SLC38A8: variants seen among roughly 807,000 people sequenced by gnomAD.
The protein encoded by SLC38A8 is solute carrier family 38 member 8, also known as amino acid transporter SLC38A8.
In SLC38A8, 65 loss-of-function variants were observed where a neutral mutation model predicts 46.0. The observed-to-expected ratio is 1.41, with a 90% CI of 1.16 to 1.74. The LOEUF (loss-of-function observed/expected upper bound fraction) is 1.74. Ranked by LOEUF, SLC38A8 falls within the 40% of genes most tolerant of loss-of-function variation. The pLI is 0.00. For missense variants in SLC38A8, 998 were observed against 567.9 expected (o/e 1.76, Z -7.70); for synonymous variants, 447 against 243.7 (o/e 1.83, Z -7.77).
At chr16:84,023,044 C>T (rs1007683225) in intron 6 of SLC38A8, among the ~76,000 whole-genome samples, 155 bp from the exon 7 acceptor site, 2 of 152,132 alleles carry the variant, frequency 1.3e-5, no homozygotes, top group Admixed American at 6.5e-5. Context: ...TCACAGTACA[C>T]CCCCAACCCC....
Position 84,016,745 on chromosome 16 carries a change from C to A in SLC38A8, c.954-18G>T. The stretch of plus-strand genomic sequence containing the variant: ...TCACTGACCTGGAGGCCACAGCCAA[C>A]ACAGACACATGGGCATCTCAGGGGC... On this transcript the variant is annotated intron_variant, in intron 8 of 10. Coordinates refer to ENST00000299709, the MANE Select transcript of SLC38A8 (RefSeq NM_001080442.3). The A allele has an allele frequency of 6.2e-7, 1 of 1,607,012 alleles. No individual in the cohort carries two copies. The highest frequency in any genetic ancestry group is 2.2e-5 in the East Asian group (1 of 44,720).
intron 6 of SLC38A8, among the ~76,000 whole-genome samples, chr16:84,025,958 C>G (rs1031437559): frequency 6.6e-6 from 1 of 152,228 alleles, no homozygotes; most frequent in Non-Finnish European, 1.5e-5. Context: ...GTGGGGCTCA[C>G]CCCACACTCT....
At chr16:84,016,030 C>T (rs1381732960) in intron 9 of SLC38A8, among the ~76,000 whole-genome samples, 1 of 151,282 alleles carries the variant, frequency 6.6e-6, no homozygotes, top group African/African-American at 2.4e-5. Context: ...CACAGTTCCA[C>T]ATGGCTGAGG....
intron 6 of SLC38A8, among the ~76,000 whole-genome samples, chr16:84,025,502 C>T (rs2085152287): frequency 1.4e-5 from 2 of 146,558 alleles, no homozygotes; most frequent in Admixed American, 6.6e-5. Flanking sequence ...CTCAGCGTCT[C>T]TCAACCACAC....
At chr16:84,020,195 C>A (rs984998250) in intron 7 of SLC38A8, among the ~76,000 whole-genome samples, 1 of 148,540 alleles carries the variant, frequency 6.7e-6, no homozygotes, top group African/African-American at 2.5e-5. Context: ...GGCTGGAGGG[C>A]GGTGGCACAA....
At chr16:84,016,369 G>T in intron 9 of SLC38A8, 150 bp downstream of exon 9, 1 of 793,060 alleles carries the variant, frequency 1.3e-6, no homozygotes, top group Non-Finnish European at 2.0e-6. Context: ...CCTGTGCCTG[G>T]CTCAATAAAA....
rs766262131 is a variant in SLC38A8, at chr16:84,016,697, G to A, written c.984C>T (p.Ser328=). Residue 328 remains serine (S), a synonymous_variant, in exon 9 of 11, where the codon AGC becomes AGT. Coordinates refer to ENST00000299709, the MANE Select transcript of SLC38A8 (RefSeq NM_001080442.3). ...CGCTGGGCCCCCATCCCCCCAAGCA[G>A]CTCCTCCTCCAGAAGTCCTGCATCA... ...RSVMQDFWRR[S]CLGGWGPSAL... The A allele has an allele frequency of 1.2e-5, 19 of 1,613,176 alleles. No homozygotes were observed. Among genetic ancestry groups the A allele is most frequent in the Non-Finnish European group, 1.6e-5 (19 of 1,179,932 alleles).
chr16:84,031,624 C>G lies in SLC38A8; in HGVS notation c.632+243G>C, dbSNP rs190205394. Among the ~76,000 whole-genome samples the G allele has an allele frequency of 3.0e-3, 464 of 152,378 alleles. 3 individuals are homozygous for G. The highest frequency in any genetic ancestry group is 0.011 in the African/African-American group (444 of 41,594). ...ATAACCTATGACCCCTAGGCCGCCGCAGCCTTTGGCGGTTCTGCGTCCCTT... is the reference window on the plus strand; with the variant it reads ...ATAACCTATGACCCCTAGGCCGCCGGAGCCTTTGGCGGTTCTGCGTCCCTT... On this transcript the variant is annotated intron_variant, in intron 5 of 10. Coordinates refer to ENST00000299709, the MANE Select transcript of SLC38A8 (RefSeq NM_001080442.3).
chr16:84,034,110 G>A (rs2085276273), intron 3 of SLC38A8, among the ~76,000 whole-genome samples: 4 of 152,226 alleles, frequency 2.6e-5, no homozygotes. Context: ...TGCCTGATGG[G>A]TACACCTGGG....
intron 6 of SLC38A8, among the ~76,000 whole-genome samples, chr16:84,025,780 C>A (rs945013850): frequency 1.3e-5 from 2 of 152,242 alleles, no homozygotes; most frequent in African/African-American, 4.8e-5. Context: ...GGCACAGTGG[C>A]CTCCTCCCTC....
rs1295882577 is a variant in SLC38A8, at chr16:84,022,798, C to T, written c.782G>A (p.Cys261Tyr). The part of the protein sequence containing the change: ...ALVSVLSLLA[C>Y]CLIYSLTGVY... ...ACCCGTCAGTGAATAGATGAGGCAG[C>T]AGGCCAGCAAGGACAGCACAGACAC... The change falls in exon 7 of 11, where the codon TGC becomes TAC. Residue 261 changes from cysteine to tyrosine, a missense_variant. Physicochemically the swap from Cys to Tyr is radical, Grantham distance 194 (BLOSUM62 -2). Transcript: ENST00000299709. The T allele has an allele frequency of 6.2e-7, 1 of 1,614,032 alleles. No individual in the cohort carries two copies. Among genetic ancestry groups the T allele is most frequent in the Admixed American group, 1.7e-5 (1 of 60,000 alleles).
chr16:84,031,294 G>A (rs1249266684), intron 5 of SLC38A8, among the ~76,000 whole-genome samples: 1 of 152,158 alleles, frequency 6.6e-6, no homozygotes, highest in Non-Finnish European at 1.5e-5. Flanking sequence ...ACCTGCCTCA[G>A]CCTCCCAAAG....
chr16:84,033,535 G>C lies in SLC38A8; in HGVS notation c.389-66C>G, dbSNP rs540539827. 260 of 1,503,206 alleles carry C rather than the reference G, an allele frequency of 1.7e-4. No individual in the cohort carries two copies. The African/African-American group carries it at 3.1e-3, about 18-fold the overall frequency. The allele number at this position is 1,503,206 out of a possible 1,614,324, so 93.1% of individuals were successfully genotyped here. ...TGCCGTGGGTTCTCGGCTCCCACCT[G>C]GCCCTTCAACCCTGGCTGGGGTTGG... On this transcript the variant is annotated intron_variant, in intron 3 of 10. Transcript: ENST00000299709.
Position 84,018,223 on chromosome 16 carries a change from CTTTTT to C in SLC38A8, c.806-941_806-937del, listed in dbSNP as rs796178053. The stretch of plus-strand genomic sequence containing the variant: ...ATGAGCTCTGACTCAGCCCTCATTC[CTTTTT>C]TTTTTTTTTTTTTTTTTTTTTTGAG... On this transcript the variant is annotated intron_variant, in intron 7 of 10. Transcript: ENST00000299709. Among the ~76,000 whole-genome samples the C allele has an allele frequency of 1.8e-4, 14 of 79,938 alleles. No individual in the cohort carries two copies. In the South Asian group the frequency reaches 5.3e-3, roughly 30 times the overall value. 52.4% of individuals were successfully genotyped at this position (79,938 alleles called of 152,430 possible). A position where few individuals can be genotyped will look rare whatever the true frequency, so the allele number is the denominator to read the frequency against.
chr16:84,016,568 G>A lies in SLC38A8; in HGVS notation c.1113C>T (p.Ile371=), dbSNP rs113073498. 575 of 1,614,088 alleles carry A rather than the reference G, an allele frequency of 3.6e-4. 4 individuals carry two copies. The African/African-American group carries it at 6.7e-3, about 19-fold the overall frequency. ...AACTGATGCCTCCGATGATGCTGAC[G>A]ATCTCGCTGAGGTCAGGCATAAACA... The part of the protein sequence containing the change: ...MALFMPDLSE[I]VSIIGGISSF... Residue 371 remains isoleucine, a synonymous_variant, in exon 9 of 11, where the codon ATC becomes ATT. Coordinates refer to ENST00000299709, the MANE Select transcript of SLC38A8 (RefSeq NM_001080442.3).
chr16:84,019,484 T>C (rs2085070988), intron 7 of SLC38A8, among the ~76,000 whole-genome samples: 1 of 152,218 alleles, frequency 6.6e-6, no homozygotes, highest in Non-Finnish European at 1.5e-5. Flanking sequence ...AGAGCGCTGC[T>C]CTCGACAGCT....
At chr16:84,029,260 G>T (rs553969575) in intron 6 of SLC38A8, among the ~76,000 whole-genome samples, 1 of 152,182 alleles carries the variant, frequency 6.6e-6, no homozygotes, top group Admixed American at 6.5e-5. Context: ...ATCAGTGGGG[G>T]CTGGATTCCC....
intron 5 of SLC38A8, among the ~76,000 whole-genome samples, chr16:84,030,664 G>A (rs1376015279): frequency 1.3e-5 from 2 of 152,152 alleles, no homozygotes; most frequent in African/African-American, 2.4e-5. Flanking sequence ...AGAGCTCCAA[G>A]TTACCTTGAC....
At chr16:84,041,181 C>G (rs1356609583) in intron 2 of SLC38A8, 3 of 152,304 alleles carry the variant, frequency 2.0e-5, no homozygotes, top group Non-Finnish European at 4.4e-5. Context: ...CCGCGCTTCC[C>G]CAAAAGGGAA....
Sources: gnomAD v4.1 joint callset for allele counts (sites outside exome capture counted in the v4.1 genomes callset) on GRCh38, gnomAD v4.1.1 for gene constraint, MANE v1.5 for transcripts, NCBI Gene and HGNC (gene_info 2026-07-23, HGNC 2026-07-21) for gene names.